Variants in PRKX observed in about 807,000 individuals in gnomAD.
PRKX encodes cAMP-dependent protein kinase catalytic subunit PRKX.
Under a neutral mutation model 22.0 loss-of-function variants are expected in PRKX, and 12 were observed. The ratio of observed to expected loss-of-function variants is 0.54; its 90% CI spans 0.35 to 0.88. The LOEUF (loss-of-function observed/expected upper bound fraction) is 0.88, where lower values mean the gene tolerates loss of function less well. Ranked by LOEUF, PRKX falls within the 40% of genes least tolerant of loss-of-function variation. The pLI is 0.01. For missense variants in PRKX, 217 were observed against 308.0 expected (o/e 0.70, Z 2.21); for synonymous variants, 134 against 137.7 (o/e 0.97, Z 0.19).
chrX:3,703,893 G>A (rs1327518156), intron 1 of PRKX, among the ~76,000 whole-genome samples: 10 of 109,483 alleles, frequency 9.1e-5, no homozygotes, highest in African/African-American at 2.0e-4. Context: ...GGCTGGTTTC[G>A]AACTCCTGAT....
chrX:3,688,684 C>G (rs2146602946), intron 1 of PRKX, among the ~76,000 whole-genome samples: 1 of 109,841 alleles, frequency 9.1e-6, no homozygotes, highest in East Asian at 2.9e-4. Context: ...GCAACATAGC[C>G]AGACACCATC....
At chrX:3,667,166 G>A (rs769454494) in intron 2 of PRKX, 111 of 111,412 alleles carry the variant, frequency 1.0e-3, no homozygotes, top group African/African-American at 3.3e-3. Flanking sequence ...ATCTTTAGCT[G>A]ACAGCAGCAC....
intron 1 of PRKX, among the ~76,000 whole-genome samples, chrX:3,705,210 C>T (rs1344938540): frequency 2.7e-5 from 3 of 110,896 alleles, no homozygotes; most frequent in Admixed American, 9.6e-5. Context: ...TGGTGGGGAC[C>T]GGCTTTCTAA....
At chrX:3,702,687 ATTTTTC>A (rs1928602037) in intron 1 of PRKX, among the ~76,000 whole-genome samples, 1 of 96,353 alleles carries the variant, frequency 1.0e-5, no homozygotes, top group South Asian at 5.1e-4. Flanking sequence ...AGGAAGGTCT[ATTTTTC>A]TTTTTTTTTT....
At chrX:3,697,746 T>C (rs907214465) in intron 1 of PRKX, among the ~76,000 whole-genome samples, 1 of 110,448 alleles carries the variant, frequency 9.1e-6, no homozygotes, top group African/African-American at 3.3e-5. Context: ...AGACAGGTTC[T>C]TACTGTGTCG....
rs757600382 is a variant in PRKX at position 3,637,476 on chromosome X, C to T, written c.719+4376G>A. On this transcript the variant is annotated intron_variant, in intron 4 of 8. Coordinates refer to ENST00000262848, the MANE Select transcript of PRKX (RefSeq NM_005044.5). ...CTGAGAAGGCTTGGGGTGGTCCAGG[C>T]GAGCTCAGGCCGGCTGGAGCTGGGG... Among the ~76,000 whole-genome samples the T allele has an allele frequency of 3.6e-5, 4 of 110,958 alleles. No homozygotes were observed. In the Admixed American group the frequency reaches 3.8e-4, roughly 11 times the overall value.
chrX:3,650,644 C>T (rs1014272083), intron 3 of PRKX, among the ~76,000 whole-genome samples: 2 of 109,437 alleles, frequency 1.8e-5, no homozygotes, highest in African/African-American at 3.3e-5. Context: ...TTTGGAAGGT[C>T]GCGGCAGGTG....
intron 3 of PRKX, among the ~76,000 whole-genome samples, chrX:3,645,708 G>A (rs1026328658): frequency 2.7e-5 from 3 of 112,100 alleles, no homozygotes; most frequent in African/African-American, 9.7e-5. Flanking sequence ...CAAGGTGGGA[G>A]GATCACTTGA....
intron 1 of PRKX, among the ~76,000 whole-genome samples, chrX:3,687,029 A>T (rs1569060266): frequency 9.0e-6 from 1 of 110,592 alleles, no homozygotes; most frequent in East Asian, 2.9e-4. Flanking sequence ...TAATTAATTA[A>T]TTTTTTTTAA....
In PRKX at chrX:3,692,365, C is replaced by A. The variant is rs766411893; in HGVS notation, c.167-17599G>T. 2.8e-3 allele frequency among the ~76,000 whole-genome samples: 307 copies of A among 109,977 alleles called. 2 individuals are homozygous for A. The highest frequency in any genetic ancestry group is 4.9e-3 in the Non-Finnish European group (258 of 52,689). Reference sequence around the variant, plus strand: ...CTGTCAAGTGCCCTGTGGGGGAAGGCCGGCCCCCAGTTGAGACCCCCTGTT... The same window carrying A: ...CTGTCAAGTGCCCTGTGGGGGAAGGACGGCCCCCAGTTGAGACCCCCTGTT... On this transcript the variant is annotated intron_variant, in intron 1 of 8. Transcript: ENST00000262848.
At chrX:3,693,919 A>C (rs762499444) in intron 1 of PRKX, among the ~76,000 whole-genome samples, 5 of 98,534 alleles carry the variant, frequency 5.1e-5, no homozygotes, top group African/African-American at 1.9e-4. Context: ...CAGCCTGGAC[A>C]ACAGAGGGAG....
At chrX:3,689,814 A>C (rs1033631490) in intron 1 of PRKX, among the ~76,000 whole-genome samples, 3 of 111,393 alleles carry the variant, frequency 2.7e-5, no homozygotes, top group Non-Finnish European at 5.7e-5. Context: ...TGTCTCCACT[A>C]AAAATACAAA....
chrX:3,641,788 G>T, intron 4 of PRKX, 64 bp downstream of exon 4: 2 of 390,452 alleles, frequency 5.1e-6, no homozygotes, highest in Non-Finnish European at 4.4e-6. Context: ...CCGAGTGGAC[G>T]AATGGGTGGG....
In PRKX at chrX:3,665,747, C is replaced by T. The variant is rs188779097; in HGVS notation, c.335+8851G>A. On this transcript the variant is annotated intron_variant, in intron 2 of 8. Coordinates refer to ENST00000262848, the MANE Select transcript of PRKX (RefSeq NM_005044.5). ...ATTACAGTAACTGAAAGAAGCCAGT[C>T]GCAAAAGGACAAATGCCGTATGATT... 4.9e-3 allele frequency among the ~76,000 whole-genome samples: 541 copies of T among 110,760 alleles called. 2 individuals carry two copies. The highest frequency in any genetic ancestry group is 0.017 in the African/African-American group (522 of 30,455).
At chrX:3,666,304 C>T (rs1396346712) in intron 2 of PRKX, among the ~76,000 whole-genome samples, 1 of 109,493 alleles carries the variant, frequency 9.1e-6, no homozygotes, top group African/African-American at 3.3e-5. Flanking sequence ...TACAGGCACC[C>T]GCCACCACGC....
chrX:3,671,181 G>A (rs1424274952), intron 2 of PRKX, among the ~76,000 whole-genome samples: 3 of 110,884 alleles, frequency 2.7e-5, no homozygotes, highest in Admixed American at 1.9e-4. Flanking sequence ...GGTTATAGAC[G>A]TGCGCCACCA....
chrX:3,712,804 G>T (rs1322726200), intron 1 of PRKX, among the ~76,000 whole-genome samples: 1 of 112,701 alleles, frequency 8.9e-6, no homozygotes, highest in Non-Finnish European at 1.9e-5. Context: ...GCCCCAGAGT[G>T]CTGTGTGTGC....
chrX:3,679,211 T>C (rs929680), intron 1 of PRKX, among the ~76,000 whole-genome samples: 14,859 of 109,566 alleles, frequency 0.14, 1,036 homozygotes, highest in East Asian at 0.38. Flanking sequence ...TTTTCCCCAC[T>C]CCCTCCCTTC....
intron 1 of PRKX, among the ~76,000 whole-genome samples, chrX:3,690,080 G>A (rs1462396165): frequency 8.9e-6 from 1 of 112,400 alleles, no homozygotes; most frequent in African/African-American, 3.2e-5. Flanking sequence ...TATAGAAATT[G>A]TATCTCTATA....
Sources: gnomAD v4.1 joint callset for allele counts (sites outside exome capture counted in the v4.1 genomes callset) on GRCh38, gnomAD v4.1.1 for gene constraint, MANE v1.5 for transcripts, NCBI Gene and HGNC (gene_info 2026-07-23, HGNC 2026-07-21) for gene names.